MALRD1: variants seen among roughly 807,000 people sequenced by gnomAD.
The protein encoded by MALRD1 is MAM and LDL receptor class A domain containing 1.
Under a neutral mutation model 242.1 loss-of-function variants are expected in MALRD1, and 247 were observed. That is an observed-to-expected ratio of 1.02 (90% CI 0.92 to 1.13). MALRD1 has a LOEUF of 1.13. Among genes scored for constraint, MALRD1 ranks in the 50% most tolerant of loss-of-function variants. The pLI is 0.00. For missense variants in MALRD1, 2,989 were observed against 2,533.1 expected (o/e 1.18, Z -3.86); for synonymous variants, 995 against 866.6 (o/e 1.15, Z -2.60).
At chr10:19,322,916 A>G (rs1582064) in intron 21 of MALRD1, among the ~76,000 whole-genome samples, 84,150 of 152,006 alleles carry the variant, frequency 0.55, 23,487 homozygotes, top group Middle Eastern at 0.59. Context: ...AGAATACCCA[A>G]ACTGTGCGGA....
intron 36 of MALRD1, among the ~76,000 whole-genome samples, chr10:19,682,435 G>T (rs988771313): frequency 1.3e-5 from 2 of 152,204 alleles, no homozygotes; most frequent in African/African-American, 4.8e-5. Context: ...GGTTGGCTGT[G>T]GCTGAAAGCG....
At chr10:19,595,964 A>G (rs1838077930) in intron 34 of MALRD1, among the ~76,000 whole-genome samples, 1 of 152,200 alleles carries the variant, frequency 6.6e-6, no homozygotes, top group Non-Finnish European at 1.5e-5. Context: ...AATGCATCCT[A>G]GAGATGTGGG....
chr10:19,680,709 T>C (rs1259320347), intron 36 of MALRD1, among the ~76,000 whole-genome samples: 1 of 152,176 alleles, frequency 6.6e-6, no homozygotes, highest in African/African-American at 2.4e-5. Flanking sequence ...TGCAGACTTG[T>C]TGATGTAGTT....
At chr10:19,705,057 T>A (rs1486569408) in intron 38 of MALRD1, among the ~76,000 whole-genome samples, 2 of 152,182 alleles carry the variant, frequency 1.3e-5, no homozygotes, top group East Asian at 3.9e-4. Flanking sequence ...AGAATATTGT[T>A]TGAGATTCTT....
At chr10:19,300,912 G>A (rs1841925243) in intron 21 of MALRD1, among the ~76,000 whole-genome samples, 1 of 152,054 alleles carries the variant, frequency 6.6e-6, no homozygotes, top group African/African-American at 2.4e-5. Context: ...TATCAACAGA[G>A]TAAACAGAAA....
Position 19,204,290 on chromosome 10 carries a change from T to C in MALRD1, c.2105-18T>C. 1.4e-6 allele frequency: 2 copies of C among 1,478,802 alleles called. No homozygotes were observed. Among genetic ancestry groups the C allele is most frequent in the Middle Eastern group, 3.6e-4 (2 of 5,594 alleles). 91.6% of individuals were successfully genotyped at this position (1,478,802 alleles called of 1,614,324 possible). ...AATAGGTTAATGAAGCGTTTTTTTT[T>C]TTTTTTTATCTCAACAGGGCATTTT... On this transcript the variant is annotated intron_variant, in intron 15 of 39. Coordinates refer to ENST00000454679, the MANE Select transcript of MALRD1 (RefSeq NM_001142308.3).
chr10:19,124,658 G>C lies in MALRD1; in HGVS notation c.931G>C (p.Gly311Arg), dbSNP rs1207396894. 2.4e-6 allele frequency: 3 copies of C among 1,233,598 alleles called. No homozygotes were observed. In the African/African-American group the frequency reaches 4.7e-5, roughly 19 times the overall value. 76.4% of individuals were successfully genotyped at this position (1,233,598 alleles called of 1,614,324 possible). A position where few individuals can be genotyped will look rare whatever the true frequency, so the allele number is the denominator to read the frequency against. The change falls in exon 7 of 40, where the codon GGT (glycine) becomes CGT (arginine). Residue 311 changes from glycine to arginine, a missense_variant. Transcript: ENST00000454679. ...ATCCACACCTCAGCAGGATCAAGGA[G>C]GTGATGATGAAGGTAGAAAAAAAAA... ...FESTPQQDQG[G>R]DDEGYYVWVG... is the part of the protein sequence containing the mutation.
intron 21 of MALRD1, among the ~76,000 whole-genome samples, chr10:19,315,757 AATAT>A (rs904127604): frequency 6.5e-4 from 92 of 140,970 alleles, no homozygotes; most frequent in African/African-American, 2.2e-3. Context: ...TCTAATATGT[AATAT>A]ATATGTATAT....
At chr10:19,561,897 A>G (rs1835983483) in intron 32 of MALRD1, among the ~76,000 whole-genome samples, 1 of 152,154 alleles carries the variant, frequency 6.6e-6, no homozygotes, top group Admixed American at 6.5e-5. Flanking sequence ...GTTTGCCTTA[A>G]GGGCAGGCCT....
chr10:19,584,241 T>G (rs540524348), intron 33 of MALRD1, among the ~76,000 whole-genome samples: 1 of 152,212 alleles, frequency 6.6e-6, no homozygotes, highest in East Asian at 1.9e-4. Flanking sequence ...CTGCTCTGAT[T>G]TTGGTTATTT....
chr10:19,655,520 A>G (rs1391001349), intron 36 of MALRD1, among the ~76,000 whole-genome samples: 4 of 135,464 alleles, frequency 3.0e-5, no homozygotes, highest in African/African-American at 8.1e-5. Flanking sequence ...GTACATATAT[A>G]TGTGTGAGTG....
At chr10:19,211,783 G>A (rs2782324) in intron 18 of MALRD1, among the ~76,000 whole-genome samples, 111,278 of 151,062 alleles carry the variant, frequency 0.74, 41,218 homozygotes, top group South Asian at 0.85. Context: ...AATGATGGAT[G>A]GACATAGTTT....
intron 32 of MALRD1, among the ~76,000 whole-genome samples, chr10:19,546,684 G>A (rs996956819): frequency 6.6e-6 from 1 of 152,114 alleles, no homozygotes; most frequent in Admixed American, 6.6e-5. Flanking sequence ...GTAGGTGTTT[G>A]CAAATGCCTC....
At chr10:19,451,404 A>G (rs1589099885) in intron 29 of MALRD1, among the ~76,000 whole-genome samples, 2 of 152,322 alleles carry the variant, frequency 1.3e-5, no homozygotes, top group Middle Eastern at 6.8e-3. Context: ...GTATAACTAC[A>G]CTTAGATTCT....
At chr10:19,683,916 T>C (rs1021261001) in intron 36 of MALRD1, among the ~76,000 whole-genome samples, 4 of 152,108 alleles carry the variant, frequency 2.6e-5, no homozygotes, top group African/African-American at 9.7e-5. Flanking sequence ...GTCCTAATGC[T>C]CTCCCTCCCC....
rs928335639 is a variant in MALRD1 at position 19,450,308 on chromosome 10, C to T, written c.4847C>T (p.Thr1616Ile). The change falls in exon 29 of 40, where the codon ACA becomes ATA. Residue 1616 changes from threonine to isoleucine, a missense_variant and splice_region_variant. Physicochemically the swap from Thr to Ile is moderately conservative, Grantham distance 89 (BLOSUM62 -1). Coordinates refer to ENST00000454679, the MANE Select transcript of MALRD1 (RefSeq NM_001142308.3). ...ATGSIQILIK[T>I]EKGLSKVWQE... The stretch of plus-strand genomic sequence containing the variant: ...TCATACAAACTTCTTTACTTTCAGA[C>T]AGAGAAAGGACTATCAAAAGTATGG... 1 of 1,545,696 alleles carries T rather than the reference C, an allele frequency of 6.5e-7. No individual in the cohort carries two copies. The highest frequency in any genetic ancestry group is 8.7e-7 in the Non-Finnish European group (1 of 1,145,676).
chr10:19,267,177 T>C (rs77498671), intron 19 of MALRD1, among the ~76,000 whole-genome samples: 2,152 of 151,918 alleles, frequency 0.014, 43 homozygotes, highest in African/African-American at 0.049. Context: ...CTCTTTATTC[T>C]CTTTTAAATT....
At chr10:19,199,254 C>T (rs1836410821) in intron 14 of MALRD1, among the ~76,000 whole-genome samples, 1 of 152,198 alleles carries the variant, frequency 6.6e-6, no homozygotes, top group Non-Finnish European at 1.5e-5. Flanking sequence ...ACACCTATTT[C>T]CGGAATGTGT....
In MALRD1 at chr10:19,408,955, G is replaced by T. The variant is rs1271100006; in HGVS notation, c.4845+19346G>T. The stretch of plus-strand genomic sequence containing the variant: ...GTTGCACTGATAGTTGTTTATCCCA[G>T]AGAAATGAAGACTTATGTTCACATG... On this transcript the variant is annotated intron_variant, in intron 28 of 39. Coordinates refer to ENST00000454679, the MANE Select transcript of MALRD1 (RefSeq NM_001142308.3). Among the ~76,000 whole-genome samples, 3 of 152,196 alleles carry T rather than the reference G, an allele frequency of 2.0e-5. 1 individual carries two copies. In the East Asian group the frequency reaches 5.8e-4, roughly 29 times the overall value.
Sources: gnomAD v4.1 joint callset for allele counts (sites outside exome capture counted in the v4.1 genomes callset) on GRCh38, gnomAD v4.1.1 for gene constraint, MANE v1.5 for transcripts, NCBI Gene and HGNC (gene_info 2026-07-23, HGNC 2026-07-21) for gene names.